Variants in RAVER2 observed in about 807,000 individuals in gnomAD.
RAVER2 encodes the protein ribonucleoprotein PTB-binding 2.
A neutral mutation model predicts 78.1 loss-of-function variants in RAVER2; 46 were observed. That is an observed-to-expected ratio of 0.59 (90% CI 0.46 to 0.75). RAVER2 has a LOEUF of 0.75. Among genes scored for constraint, RAVER2 ranks in the 30% least tolerant of loss-of-function variants. The probability of loss-of-function intolerance (pLI) is 0.00; values close to 1 mark genes in which losing one functional copy is unlikely to be tolerated. For synonymous variants in RAVER2, 311 were observed against 313.3 expected, an observed-to-expected ratio of 0.99 and a Z score of 0.08; for missense variants, 793 against 837.5, an observed-to-expected ratio of 0.95 and a Z score of 0.66.
At chr1:64,802,949 A>C (rs1279164538) in intron 5 of RAVER2, 27 bp from the exon 6 acceptor site, 1 of 1,516,894 alleles carries the variant, frequency 6.6e-7, no homozygotes, top group East Asian at 2.3e-5. Flanking sequence ...TATATAAATT[A>C]AAGTTTTTAC....
intron 8 of RAVER2, among the ~76,000 whole-genome samples, chr1:64,806,050 TA>T (rs1224914079): frequency 1.3e-5 from 2 of 152,250 alleles, no homozygotes; most frequent in African/African-American, 4.8e-5. Context: ...TATCCATCTC[TA>T]AATGATTATT....
At chr1:64,799,062 TAACC>T (rs974076909) in intron 5 of RAVER2, among the ~76,000 whole-genome samples, 28 of 152,310 alleles carry the variant, frequency 1.8e-4, no homozygotes, top group African/African-American at 6.7e-4. Context: ...TTGTAACCAT[TAACC>T]AACCTCTCCC....
chr1:64,777,972 A>C, exon 3 of RAVER2: 1 of 1,614,088 alleles, frequency 6.2e-7, no homozygotes, highest in Non-Finnish European at 8.5e-7. Flanking sequence ...ATGTTAATCT[A>C]TTGGCTTCAG....
chr1:64,753,333 G>A (rs1651751798), intron 1 of RAVER2, among the ~76,000 whole-genome samples: 1 of 151,972 alleles, frequency 6.6e-6, no homozygotes, highest in African/African-American at 2.4e-5. Context: ...GGGATTATAG[G>A]TGTAAGCCAC....
chr1:64,794,215 G>T (rs1000234672), intron 5 of RAVER2, among the ~76,000 whole-genome samples: 1 of 151,746 alleles, frequency 6.6e-6, no homozygotes, highest in African/African-American at 2.4e-5. Context: ...TTGAGACCAC[G>T]GTGAAACCCC....
chr1:64,781,398 A>G (rs1226487530), exon 4 of RAVER2: 6 of 1,610,082 alleles, frequency 3.7e-6, no homozygotes, highest in Non-Finnish European at 5.1e-6. Context: ...GGATGAAGGT[A>G]GTTACGTTGG....
At chr1:64,783,162 G>A (rs529670880) in intron 4 of RAVER2, among the ~76,000 whole-genome samples, 2 of 152,140 alleles carry the variant, frequency 1.3e-5, no homozygotes, top group African/African-American at 4.8e-5. Context: ...CCAAGTCTTT[G>A]CTATTGTGAA....
chr1:64,781,559 G>A (rs753688156), exon 4 of RAVER2: 15 of 1,610,140 alleles, frequency 9.3e-6, no homozygotes, highest in South Asian at 3.3e-5. Context: ...CATTGATAGC[G>A]GCTCAACGTG....
chr1:64,773,294 C>T (rs563567342), intron 2 of RAVER2, among the ~76,000 whole-genome samples: 4 of 152,120 alleles, frequency 2.6e-5, no homozygotes, highest in East Asian at 1.9e-4. Context: ...CCCATCAACC[C>T]GTCATCTACA....
chr1:64,758,389 CAG>C (rs1194002703), intron 1 of RAVER2, among the ~76,000 whole-genome samples: 1 of 152,206 alleles, frequency 6.6e-6, no homozygotes, highest in South Asian at 2.1e-4. Flanking sequence ...TTACACAAAA[CAG>C]AGATTATCTA....
At position 64,769,261 on chromosome 1, in the gene RAVER2, A is replaced by C. The variant is rs534261729; in HGVS notation, c.316+539A>C. 6.6e-5 allele frequency among the ~76,000 whole-genome samples: 10 copies of C among 152,158 alleles called. No homozygotes were observed. The East Asian group carries it at 1.9e-3, about 29-fold the overall frequency. ...TCAAATGGTAATATTTTGTCTTTAC[A>C]AAGTATGTACATAGCTAGAGCCCTC... On this transcript the variant is annotated intron_variant, in intron 2 of 11. Transcript: ENST00000294428.
At chr1:64,781,420 T>A in exon 4 of RAVER2, 1 of 1,612,480 alleles carries the variant, frequency 6.2e-7, no homozygotes. Flanking sequence ...GGCTTTGCAG[T>A]GGTTGAATAT....
chr1:64,781,105 T>C (rs1205414646), intron 3 of RAVER2, among the ~76,000 whole-genome samples: 1 of 152,192 alleles, frequency 6.6e-6, no homozygotes, highest in East Asian at 1.9e-4. Flanking sequence ...TATATATTTC[T>C]TAATATATAG....
intron 2 of RAVER2, among the ~76,000 whole-genome samples, chr1:64,771,969 G>C (rs1448969128): frequency 6.6e-6 from 1 of 152,020 alleles, no homozygotes; most frequent in African/African-American, 2.4e-5. Flanking sequence ...TACATTAGGG[G>C]AAAAAGTTTT....
chr1:64,794,333 G>A (rs1259725431), intron 5 of RAVER2, among the ~76,000 whole-genome samples: 1 of 149,450 alleles, frequency 6.7e-6, no homozygotes, highest in African/African-American at 2.5e-5. Context: ...GGGAGGCGGA[G>A]CTTGCAGTGA....
exon 12 of RAVER2, chr1:64,832,442 T>A (rs1457502476): frequency 6.6e-6 from 1 of 152,592 alleles, no homozygotes; most frequent in African/African-American, 2.4e-5. Flanking sequence ...TGAGAAACCT[T>A]TTGCCATCTA....
At chr1:64,808,042 T>G (rs1444610948) in intron 9 of RAVER2, among the ~76,000 whole-genome samples, 1 of 152,162 alleles carries the variant, frequency 6.6e-6, no homozygotes, top group Admixed American at 6.5e-5. Context: ...TGGTAGCTAA[T>G]TAAAGTATTT....
intron 9 of RAVER2, among the ~76,000 whole-genome samples, chr1:64,808,755 C>A (rs1653518434): frequency 6.6e-6 from 1 of 152,122 alleles, no homozygotes; most frequent in Non-Finnish European, 1.5e-5. Flanking sequence ...AGCCACTGCA[C>A]CTGGCCGTCA....
intron 4 of RAVER2, among the ~76,000 whole-genome samples, chr1:64,782,382 G>A (rs867325332): frequency 2.6e-5 from 4 of 152,120 alleles, no homozygotes; most frequent in African/African-American, 9.7e-5. Context: ...CTAGTACTTA[G>A]CATAGTAAAT....
Sources: allele counts gnomAD v4.1 joint callset (sites outside exome capture counted in the v4.1 genomes callset), GRCh38; gene constraint gnomAD v4.1.1; transcripts MANE v1.5; gene names NCBI Gene and HGNC (gene_info 2026-07-23, HGNC 2026-07-21).